The following MCUB variants were observed in gnomAD, a reference collection of about 807,000 sequenced individuals.
MCUB encodes the protein mitochondrial calcium uniporter dominant negative subunit beta, also known as calcium uniporter regulatory subunit MCUb, mitochondrial.
MCUB carries 46 observed loss-of-function variants against 41.4 expected under a neutral mutation model. That is an observed-to-expected ratio of 1.11 (90% CI 0.88 to 1.42). The LOEUF (loss-of-function observed/expected upper bound fraction) is 1.42. MCUB is among the 40% of genes most tolerant of loss of function. The pLI is 0.00. For missense variants in MCUB, 403 were observed against 404.9 expected (o/e 1.00, Z 0.04); for synonymous variants, 148 against 148.2 (o/e 1.00, Z 0.01).
intron 4 of MCUB, among the ~76,000 whole-genome samples, chr4:109,679,059 C>T (rs1359557826): frequency 1.4e-5 from 2 of 147,794 alleles, no homozygotes; most frequent in African/African-American, 5.0e-5. Context: ...ATGGGGCAGC[C>T]AGGCAGAGGC....
At chr4:109,592,692 A>AC (rs1727466229) in intron 1 of MCUB, among the ~76,000 whole-genome samples, 1 of 152,186 alleles carries the variant, frequency 6.6e-6, no homozygotes. Flanking sequence ...AAGTAAATCT[A>AC]CTCTAGTTCC....
At chr4:109,638,557 T>G (rs1157654530) in intron 1 of MCUB, among the ~76,000 whole-genome samples, 4 of 152,112 alleles carry the variant, frequency 2.6e-5, no homozygotes, top group African/African-American at 4.8e-5. Flanking sequence ...ATCAGGATGG[T>G]GGTTGCTGAA....
rs188678547 is a variant in MCUB, at chr4:109,649,615, C to T, written c.100-9396C>T. Among the ~76,000 whole-genome samples, 53 of 152,126 alleles carry T rather than the reference C, an allele frequency of 3.5e-4. No homozygotes were observed. The Middle Eastern group carries it at 0.01, about 29-fold the overall frequency. On this transcript the variant is annotated intron_variant, in intron 1 of 7. Transcript: ENST00000394650. ...CACCTTATGTAAATTTAATTGCTTT[C>T]CTTTGTAGGCAATCTCTTTTTTTTT...
chr4:109,675,093 A>G (rs1729543139), intron 4 of MCUB, among the ~76,000 whole-genome samples: 1 of 152,182 alleles, frequency 6.6e-6, no homozygotes, highest in Non-Finnish European at 1.5e-5. Context: ...CCCATGTCAA[A>G]AAGAAAAAAA....
In MCUB at chr4:109,687,723, T is replaced by G. The variant is rs571077796; in HGVS notation, c.*131T>G. ...AAATTCTTGTAAAACAGAAGTATTG[T>G]TTGAAGTTCTCAACTGAGATTTTTA... On this transcript the variant is annotated 3_prime_UTR_variant, in exon 8 of 8. Coordinates refer to ENST00000394650, the MANE Select transcript of MCUB (RefSeq NM_017918.5). 7.0e-5 allele frequency: 45 copies of G among 642,416 alleles called. No individual in the cohort carries two copies. The African/African-American group carries it at 7.9e-4, about 11-fold the overall frequency. 39.8% of individuals were successfully genotyped at this position (642,416 alleles called of 1,614,324 possible). A position where few individuals can be genotyped will look rare whatever the true frequency, so the allele number is the denominator to read the frequency against.
At chr4:109,582,259 C>CCG (rs1727196425) in intron 1 of MCUB, among the ~76,000 whole-genome samples, 1 of 151,260 alleles carries the variant, frequency 6.6e-6, no homozygotes, top group Non-Finnish European at 1.5e-5. Flanking sequence ...CCATCATTCT[C>CCG]AGCAAACTAT....
intron 1 of MCUB, among the ~76,000 whole-genome samples, chr4:109,634,342 C>T (rs1368326628): frequency 1.3e-5 from 2 of 151,986 alleles, no homozygotes; most frequent in East Asian, 1.9e-4. Context: ...ATTAGCTGGG[C>T]GTGGTGGCGC....
chr4:109,586,871 G>A (rs1487131838), intron 1 of MCUB, among the ~76,000 whole-genome samples: 2 of 152,110 alleles, frequency 1.3e-5, no homozygotes, highest in African/African-American at 4.8e-5. Context: ...GTGTCAGTCG[G>A]CCCCTACTGG....
At chr4:109,576,518 CTTTTTT>C (rs34834019) in intron 1 of MCUB, among the ~76,000 whole-genome samples, 7 of 131,758 alleles carry the variant, frequency 5.3e-5, no homozygotes, top group Admixed American at 1.5e-4. Context: ...TAACATTTGC[CTTTTTT>C]TTTTTTTTTT....
chr4:109,658,975 T>A, intron 1 of MCUB, 36 bp from the exon 2 acceptor site: 1 of 1,187,460 alleles, frequency 8.4e-7, no homozygotes, highest in Non-Finnish European at 1.2e-6. Flanking sequence ...TCCCACTCTT[T>A]TTTTAAAAAA....
chr4:109,610,470 C>T (rs988122900), intron 1 of MCUB, among the ~76,000 whole-genome samples: 8 of 152,080 alleles, frequency 5.3e-5, no homozygotes, highest in South Asian at 4.1e-4. Context: ...TTCTCTAAGA[C>T]GAATATGATG....
At chr4:109,665,009 G>GA (rs1729313533) in intron 4 of MCUB, among the ~76,000 whole-genome samples, 1 of 152,122 alleles carries the variant, frequency 6.6e-6, no homozygotes, top group African/African-American at 2.4e-5. Flanking sequence ...AGAATGTAGA[G>GA]AGAGTTCCCA....
chr4:109,588,001 C>A (rs868603066), intron 1 of MCUB, among the ~76,000 whole-genome samples: 38 of 152,218 alleles, frequency 2.5e-4, no homozygotes, highest in Admixed American at 2.2e-3. Context: ...AATACAGAAA[C>A]CTTAAAGTGT....
At chr4:109,657,895 G>A (rs1251868219) in intron 1 of MCUB, among the ~76,000 whole-genome samples, 1 of 152,148 alleles carries the variant, frequency 6.6e-6, no homozygotes, top group African/African-American at 2.4e-5. Context: ...CTGCGCTTTT[G>A]CTTTTCAGTG....
intron 4 of MCUB, among the ~76,000 whole-genome samples, chr4:109,671,974 A>G (rs1729468134): frequency 6.6e-6 from 1 of 152,068 alleles, no homozygotes; most frequent in South Asian, 2.1e-4. Context: ...GTTTCCCTAT[A>G]AATTCTTTCT....
At chr4:109,612,648 C>T (rs1170902079) in intron 1 of MCUB, among the ~76,000 whole-genome samples, 1 of 152,126 alleles carries the variant, frequency 6.6e-6, no homozygotes, top group Non-Finnish European at 1.5e-5. Flanking sequence ...TTCAAAGGCT[C>T]AATCTCCTGA....
chr4:109,605,665 C>G (rs1727853450), intron 1 of MCUB, among the ~76,000 whole-genome samples: 1 of 152,118 alleles, frequency 6.6e-6, no homozygotes, highest in Admixed American at 6.5e-5. Context: ...GGGTCTGTCT[C>G]TTGTTTTAGC....
Position 109,604,364 on chromosome 4 carries a change from C to T in MCUB, c.99+43928C>T, listed in dbSNP as rs1727821842. Reference sequence around the variant, plus strand: ...CAAATCCCCCTCTGTGAGAAACACCCAAGAATGATCAATAAATACTAAAAA... The same window carrying T: ...CAAATCCCCCTCTGTGAGAAACACCTAAGAATGATCAATAAATACTAAAAA... On this transcript the variant is annotated intron_variant, in intron 1 of 7. Coordinates refer to ENST00000394650, the MANE Select transcript of MCUB (RefSeq NM_017918.5). Among the ~76,000 whole-genome samples the T allele has an allele frequency of 5.3e-5, 8 of 151,906 alleles. No individual in the cohort carries two copies. In the South Asian group the frequency reaches 1.7e-3, roughly 32 times the overall value.
Position 109,684,450 on chromosome 4 carries a change from C to A in MCUB, c.620C>A (p.Ala207Asp). 6.2e-7 allele frequency: 1 copy of A among 1,608,246 alleles called. No homozygotes were observed. The highest frequency in any genetic ancestry group is 8.5e-7 in the Non-Finnish European group (1 of 1,177,502). ...TTTTTCATTCCCCCTCAGGTGAAAGCTGGAATAGAAGCTCATTCGGAAGCC... is the reference window on the plus strand; with the variant it reads ...TTTTTCATTCCCCCTCAGGTGAAAGATGGAATAGAAGCTCATTCGGAAGCC... ...EQLQPLEQVK[A>D]GIEAHSEAKT... The change falls in exon 6 of 8, where the codon GCT becomes GAT. Residue 207 changes from alanine (A) to aspartate (D), a missense_variant. Transcript: ENST00000394650.
Sources: gnomAD v4.1 joint callset for allele counts (sites outside exome capture counted in the v4.1 genomes callset) on GRCh38, gnomAD v4.1.1 for gene constraint, MANE v1.5 for transcripts, NCBI Gene and HGNC (gene_info 2026-07-23, HGNC 2026-07-21) for gene names.